KDM4C: variants seen among roughly 807,000 people sequenced by gnomAD.
KDM4C encodes lysine-specific demethylase 4C.
In KDM4C, 81 loss-of-function variants were observed where a neutral mutation model predicts 129.3. That is an observed-to-expected ratio of 0.63 (90% confidence interval 0.52 to 0.75). The LOEUF is 0.75. KDM4C is among the 30% of genes least tolerant of loss of function. The pLI is 0.00. For missense variants in KDM4C, 1,457 were observed against 1,304.0 expected, an observed-to-expected ratio of 1.12 and a Z score of -1.81; for synonymous variants, 573 against 456.1, an observed-to-expected ratio of 1.26 and a Z score of -3.26.
intron 15 of KDM4C, among the ~76,000 whole-genome samples, chr9:7,039,459 T>A (rs1177416910): frequency 6.6e-6 from 1 of 151,946 alleles, no homozygotes; most frequent in Non-Finnish European, 1.5e-5. Flanking sequence ...ATTTTTAATA[T>A]ACTTATTTTT....
At chr9:7,136,877 G>C (rs1841264285) in intron 19 of KDM4C, among the ~76,000 whole-genome samples, 2 of 152,152 alleles carry the variant, frequency 1.3e-5, no homozygotes, top group African/African-American at 4.8e-5. Flanking sequence ...TAAAATTTGA[G>C]TTCATGAAGT....
At chr9:7,034,296 A>G (rs1030412055) in intron 15 of KDM4C, among the ~76,000 whole-genome samples, 5 of 152,210 alleles carry the variant, frequency 3.3e-5, no homozygotes, top group African/African-American at 1.2e-4. Context: ...CCACAGAAAT[A>G]TAGAACTTAG....
intron 17 of KDM4C, among the ~76,000 whole-genome samples, chr9:7,091,032 C>G (rs1272237969): frequency 6.6e-6 from 1 of 152,144 alleles, no homozygotes; most frequent in African/African-American, 2.4e-5. Context: ...TGTGAAAACA[C>G]CATTATAAAG....
At chr9:6,979,068 A>G (rs1244979873) in intron 8 of KDM4C, among the ~76,000 whole-genome samples, 3 of 152,212 alleles carry the variant, frequency 2.0e-5, no homozygotes, top group Non-Finnish European at 4.4e-5. Flanking sequence ...AGTGGGGAGC[A>G]TCACTTTTGT....
At chr9:7,042,143 C>T (rs1019125490) in intron 15 of KDM4C, among the ~76,000 whole-genome samples, 3 of 152,020 alleles carry the variant, frequency 2.0e-5, no homozygotes, top group Non-Finnish European at 4.4e-5. Flanking sequence ...GTTTTACATA[C>T]ATTAATTTAG....
chr9:7,123,899 G>A (rs1321790175), intron 18 of KDM4C, among the ~76,000 whole-genome samples: 1 of 152,170 alleles, frequency 6.6e-6, no homozygotes, highest in African/African-American at 2.4e-5. Context: ...TTGTCAGTGA[G>A]AAGTCAGGGT....
chr9:7,018,593 C>G (rs565404519), intron 15 of KDM4C, among the ~76,000 whole-genome samples: 1 of 152,336 alleles, frequency 6.6e-6, no homozygotes, highest in African/African-American at 2.4e-5. Flanking sequence ...ATCTGATCAG[C>G]TCACCAAGGC....
At chr9:6,729,300 G>A (rs1445394589) in intron 1 of KDM4C, among the ~76,000 whole-genome samples, 1 of 131,742 alleles carries the variant, frequency 7.6e-6, no homozygotes, top group Non-Finnish European at 1.5e-5. Context: ...CAGTACTTTG[G>A]GAGGCTGAGG....
intron 4 of KDM4C, chr9:6,835,192 A>G: frequency 1.1e-6 from 1 of 930,044 alleles, no homozygotes; most frequent in Non-Finnish European, 1.8e-6. Flanking sequence ...CGGCCAGGTC[A>G]TCACCATCGG....
intron 18 of KDM4C, among the ~76,000 whole-genome samples, chr9:7,117,422 C>G (rs150895512): frequency 6.6e-6 from 1 of 151,926 alleles, no homozygotes; most frequent in South Asian, 2.1e-4. Flanking sequence ...TACCCTGTGT[C>G]GCTTGCTTCT....
At position 7,174,789 on chromosome 9, in the gene KDM4C, A is replaced by G; in HGVS notation, c.*60A>G. On this transcript the variant is annotated 3_prime_UTR_variant, in exon 22 of 22. Coordinates refer to ENST00000381309, the MANE Select transcript of KDM4C (RefSeq NM_015061.6). The stretch of plus-strand genomic sequence containing the variant: ...GGGTTGGAAGAGAGAAGATGAAGGG[A>G]CATCCTTGGGGCTGTGCCGTGAGTT... The G allele has an allele frequency of 6.9e-7, 1 of 1,455,542 alleles. No individual in the cohort carries two copies. Among genetic ancestry groups the G allele is most frequent in the Non-Finnish European group, 9.6e-7 (1 of 1,044,404 alleles). 90.2% of individuals were successfully genotyped at this position (1,455,542 alleles called of 1,614,324 possible).
chr9:6,840,049 TGAG>T (rs1365477781), intron 4 of KDM4C, among the ~76,000 whole-genome samples: 3 of 152,206 alleles, frequency 2.0e-5, no homozygotes, highest in Non-Finnish European at 4.4e-5. Context: ...CATTTGCTGT[TGAG>T]GAGACTAACT....
chr9:6,886,810 C>T (rs572641461), intron 6 of KDM4C, among the ~76,000 whole-genome samples: 85 of 151,776 alleles, frequency 5.6e-4, no homozygotes, highest in Non-Finnish European at 6.9e-4. Context: ...TTAGTAGAAC[C>T]CGGGTTTTGC....
At chr9:6,723,031 T>C (rs1455146315) in intron 1 of KDM4C, among the ~76,000 whole-genome samples, 1 of 151,714 alleles carries the variant, frequency 6.6e-6, no homozygotes, top group African/African-American at 2.4e-5. Flanking sequence ...ACAACAAAAC[T>C]CAAACAGCAA....
chr9:7,110,740 A>G (rs951155125), intron 18 of KDM4C, among the ~76,000 whole-genome samples: 1 of 152,226 alleles, frequency 6.6e-6, no homozygotes, highest in Admixed American at 6.5e-5. Context: ...TGAAGAAGGG[A>G]TGAAAGTGGG....
intron 3 of KDM4C, among the ~76,000 whole-genome samples, chr9:6,810,162 T>G (rs1830884161): frequency 6.6e-6 from 1 of 152,194 alleles, no homozygotes; most frequent in South Asian, 2.1e-4. Context: ...TTTGATTATT[T>G]CAGCATGGTA....
intron 15 of KDM4C, among the ~76,000 whole-genome samples, chr9:7,033,577 G>A (rs936299682): frequency 6.6e-6 from 1 of 152,198 alleles, no homozygotes; most frequent in Non-Finnish European, 1.5e-5. Context: ...AAGCCGTCCT[G>A]TTAGGGAACT....
intron 1 of KDM4C, among the ~76,000 whole-genome samples, chr9:6,730,843 C>T (rs866904183): frequency 2.0e-5 from 3 of 152,136 alleles, no homozygotes; most frequent in Admixed American, 6.6e-5. Flanking sequence ...TTTGAACACT[C>T]CGCAGTGTAT....
At chr9:6,745,555 G>A (rs534170577) in intron 1 of KDM4C, among the ~76,000 whole-genome samples, 5 of 139,396 alleles carry the variant, frequency 3.6e-5, no homozygotes, top group Non-Finnish European at 6.1e-5. Context: ...GCACCTCTGC[G>A]CAAGAGAATG....
Sources: gnomAD v4.1 joint callset for allele counts (sites outside exome capture counted in the v4.1 genomes callset) on GRCh38, gnomAD v4.1.1 for gene constraint, MANE v1.5 for transcripts, NCBI Gene and HGNC (gene_info 2026-07-23, HGNC 2026-07-21) for gene names.